The following AHRR variants were observed in gnomAD, a reference collection of about 807,000 sequenced individuals.
The protein encoded by AHRR is aryl hydrocarbon receptor repressor, also known as ahR repressor.
A neutral mutation model predicts 44.0 loss-of-function variants in AHRR; 28 were observed. The ratio of observed to expected loss-of-function variants is 0.64; its 90% confidence interval spans 0.47 to 0.87. The LOEUF (loss-of-function observed/expected upper bound fraction) is 0.87, where lower values mean the gene tolerates loss of function less well. AHRR is among the 40% of genes least tolerant of loss of function. The pLI, the probability that AHRR is intolerant of heterozygous loss-of-function variation, is 0.00. For missense variants in AHRR, 990 were observed against 953.9 expected, an observed-to-expected ratio of 1.04 and a Z score of -0.50; for synonymous variants, 434 against 407.0, an observed-to-expected ratio of 1.07 and a Z score of -0.80.
rs991923209 is a variant in AHRR, at chr5:434,551, G to A, written c.1811G>A (p.Arg604His). 5.0e-6 allele frequency: 8 copies of A among 1,601,532 alleles called. No individual in the cohort carries two copies. The African/African-American group carries it at 5.4e-5, about 11-fold the overall frequency. Reference sequence around the variant, plus strand: ...CCCCATGGGAGGGCCACTGCTGGGCGCAGCAGGGAGCTGACCCCTTTCCAC... The same window carrying A: ...CCCCATGGGAGGGCCACTGCTGGGCACAGCAGGGAGCTGACCCCTTTCCAC... ...AQPHGRATAG[R>H]SRELTPFHPA... The change falls in exon 11 of 11, where the codon CGC becomes CAC. Residue 604 changes from arginine to histidine, a missense_variant. Coordinates refer to ENST00000684583, the MANE Select transcript of AHRR (RefSeq NM_001377236.1).
At position 406,390 on chromosome 5, in the gene AHRR, G is replaced by T. The variant is rs190358338; in HGVS notation, c.352-6954G>T. 1.8e-4 allele frequency among the ~76,000 whole-genome samples: 28 copies of T among 152,332 alleles called. No homozygotes were observed. In the East Asian group the frequency reaches 5.2e-3, roughly 28 times the overall value. ...TACCTCATAGGCCAAATCACTCCAT[G>T]TGGGAGGCTGGGAGGCAAACATTTT... On this transcript the variant is annotated intron_variant, in intron 4 of 10. Transcript: ENST00000684583. The surrounding 1 kb of genome is among the most constrained non-coding windows in gnomAD (Gnocchi z 4.7).
intron 5 of AHRR, among the ~76,000 whole-genome samples, chr5:417,162 C>T (rs1335287043): frequency 4.3e-5 from 3 of 69,272 alleles, no homozygotes; most frequent in East Asian, 4.5e-4. Flanking sequence ...TGGAGAAGGC[C>T]GCTTGGTGTG....
At chr5:392,298 C>T (rs113725855) in intron 4 of AHRR, among the ~76,000 whole-genome samples, 102 of 61,628 alleles carry the variant, frequency 1.7e-3, no homozygotes, top group African/African-American at 5.9e-3. Context: ...GGGCGCAGGG[C>T]GAGGCAGGGC....
At chr5:353,550 C>T (rs777292891) in intron 2 of AHRR, among the ~76,000 whole-genome samples, 180 bp from the exon 3 acceptor site, 2 of 152,184 alleles carry the variant, frequency 1.3e-5, no homozygotes, top group Non-Finnish European at 2.9e-5. Context: ...GGCTGTTGTG[C>T]GCTGTGGTTT....
chr5:398,344 C>T (rs555694572), intron 4 of AHRR, among the ~76,000 whole-genome samples: 70 of 152,234 alleles, frequency 4.6e-4, no homozygotes, highest in African/African-American at 1.3e-3. Flanking sequence ...TAGCCCCAAC[C>T]GTACACCTTA....
intron 2 of AHRR, among the ~76,000 whole-genome samples, chr5:350,465 G>A (rs1387092805): frequency 1.3e-5 from 2 of 152,184 alleles, no homozygotes; most frequent in African/African-American, 4.8e-5. Context: ...TCTCCTGCAC[G>A]CCCTCAGGGC....
Position 343,941 on chromosome 5 carries a change from G to A in AHRR, c.39G>A (p.Lys13=). ...GGGAGTGCACGTACGCGGGCCGGAA[G>A]CGGAGGAGGCCCCTGCAGAAACAGT... The part of the protein sequence containing the change: ...PPGECTYAGR[K]RRRPLQKQRP... Residue 13 remains lysine (K), a synonymous_variant, in exon 2 of 11, where the codon AAG becomes AAA. Coordinates refer to ENST00000684583, the MANE Select transcript of AHRR (RefSeq NM_001377236.1). The A allele has an allele frequency of 6.2e-7, 1 of 1,600,666 alleles. No homozygotes were observed. Among genetic ancestry groups the A allele is most frequent in the Non-Finnish European group, 8.5e-7 (1 of 1,174,200 alleles).
Position 404,232 on chromosome 5 carries a change from CTA to C in AHRR, c.352-9111_352-9110del. The C allele has an allele frequency of 1.9e-6, 1 of 515,494 alleles. No homozygotes were observed. Among genetic ancestry groups the C allele is most frequent in the Non-Finnish European group, 3.8e-6 (1 of 261,040 alleles). The allele number at this position is 515,494 out of a possible 1,614,324, so 31.9% of individuals were successfully genotyped here. Reference sequence around the variant, plus strand: ...TCGCAGCTCTCGCTCATCCATGAGTCTAATCACATCTGCTCCATGCATGTTCC... The same window carrying C: ...TCGCAGCTCTCGCTCATCCATGAGTCATCACATCTGCTCCATGCATGTTCC... On this transcript the variant is annotated intron_variant, in intron 4 of 10. Transcript: ENST00000684583. The surrounding 1 kb of genome is among the most constrained non-coding windows in gnomAD (Gnocchi z 4.1).
intron 1 of AHRR, among the ~76,000 whole-genome samples, chr5:339,449 T>C (rs766686621): frequency 5.9e-5 from 9 of 152,244 alleles, no homozygotes; most frequent in Non-Finnish European, 1.2e-4. Flanking sequence ...TGTACAATCA[T>C]GTCTGCGAAC....
intron 1 of AHRR, chr5:322,492 C>CGG (rs1741531065): frequency 6.6e-6 from 1 of 152,046 alleles, no homozygotes; most frequent in South Asian, 2.1e-4. Context: ...CAAGGGCAGG[C>CGG]GGGGAGGGGC....
At chr5:426,857 A>G (rs1051353328) in intron 7 of AHRR, among the ~76,000 whole-genome samples, 10 of 130,926 alleles carry the variant, frequency 7.6e-5, no homozygotes, top group Non-Finnish European at 1.2e-4. Context: ...AGATGGATGG[A>G]TGGGTGGATG....
At chr5:422,493 A>G (rs1253491589) in intron 5 of AHRR, 5 of 549,130 alleles carry the variant, frequency 9.1e-6, no homozygotes, top group African/African-American at 1.9e-5. Flanking sequence ...GAAAGGCTGG[A>G]TGTGGGCACC....
intron 3 of AHRR, among the ~76,000 whole-genome samples, chr5:371,738 T>G (rs1390096113): frequency 6.6e-6 from 1 of 152,190 alleles, no homozygotes; most frequent in African/African-American, 2.4e-5. Context: ...TATGGTGAAA[T>G]GCTCCCAGGA....
chr5:422,463 C>T, intron 5 of AHRR: 1 of 489,386 alleles, frequency 2.0e-6, no homozygotes, highest in South Asian at 2.0e-5. Flanking sequence ...ATGCCCGTCT[C>T]TTAGCCTCCC....
Position 434,034 on chromosome 5 carries a change from G to A in AHRR, c.1294G>A (p.Gly432Ser), listed in dbSNP as rs374403521. Residue 432 changes from glycine to serine, a missense_variant, in exon 11 of 11, where the codon GGC (glycine) becomes AGC (serine). By Grantham distance (56) the Gly-to-Ser change is moderately conservative. Coordinates refer to ENST00000684583, the MANE Select transcript of AHRR (RefSeq NM_001377236.1). Reference sequence around the variant, plus strand: ...GCCCTCCCTGCGCCCCATGCCCCGCGGCTCCTGCCTGCCCTGCCCGTGTGT... The same window carrying A: ...GCCCTCCCTGCGCCCCATGCCCCGCAGCTCCTGCCTGCCCTGCCCGTGTGT... ...DPPSLRPMPR[G>S]SCLPCPCVQG... is the part of the protein sequence containing the mutation. 16 of 1,607,200 alleles carry A rather than the reference G, an allele frequency of 1.0e-5. No homozygotes were observed. In the African/African-American group the frequency reaches 1.2e-4, roughly 12 times the overall value.
rs558055642 is a variant in AHRR, at chr5:405,706, G to C, written c.352-7638G>C. Among the ~76,000 whole-genome samples the C allele has an allele frequency of 5.9e-5, 9 of 152,338 alleles. No individual in the cohort carries two copies. Among genetic ancestry groups the C allele is most frequent in the African/African-American group, 2.2e-4 (9 of 41,580 alleles). On this transcript the variant is annotated intron_variant, in intron 4 of 10. Coordinates refer to ENST00000684583, the MANE Select transcript of AHRR (RefSeq NM_001377236.1). This position sits in a 1 kb window ranked among gnomAD's most constrained non-coding sequence, Gnocchi z 4.5. ...CTTGTCCCACCGCCTGCGACCACCAGCTCCTCCGCTCTCTCCATCGGTCGT... is the reference window on the plus strand; with the variant it reads ...CTTGTCCCACCGCCTGCGACCACCACCTCCTCCGCTCTCTCCATCGGTCGT...
chr5:342,122 G>A lies in AHRR; in HGVS notation c.-10-1771G>A, dbSNP rs1466215791. On this transcript the variant is annotated intron_variant, in intron 1 of 10. Transcript: ENST00000684583. The surrounding 1 kb of genome is among the most constrained non-coding windows in gnomAD (Gnocchi z 4.3). ...AAGTCCCAGAATATGGTCTGTCTTG[G>A]CGAATGTTACATGTGTAAAAACCAG... 2.0e-5 allele frequency among the ~76,000 whole-genome samples: 3 copies of A among 152,118 alleles called. No homozygotes were observed. The highest frequency in any genetic ancestry group is 4.4e-5 in the Non-Finnish European group (3 of 68,026).
chr5:402,604 A>G (rs192990727), intron 4 of AHRR, among the ~76,000 whole-genome samples: 1 of 152,286 alleles, frequency 6.6e-6, no homozygotes, highest in Admixed American at 6.5e-5. Context: ...GGAAGGCTAC[A>G]TGGAGCTTCC....
At position 381,804 on chromosome 5, in the gene AHRR, G is replaced by A. The variant is rs113214401; in HGVS notation, c.351+5088G>A. ...GCTGGGATTACAGGCGTGAGCCACC[G>A]TACCCAGCCTGCTTTTTTTTGTTTG... is the stretch of plus-strand genomic sequence containing the variant. On this transcript the variant is annotated intron_variant, in intron 4 of 10. Coordinates refer to ENST00000684583, the MANE Select transcript of AHRR (RefSeq NM_001377236.1). Among the ~76,000 whole-genome samples the A allele has an allele frequency of 1.6e-4, 24 of 152,156 alleles. 1 individual carries two copies. The highest frequency in any genetic ancestry group is 4.6e-4 in the African/African-American group (19 of 41,534).
Sources: allele counts gnomAD v4.1 joint callset (sites outside exome capture counted in the v4.1 genomes callset), GRCh38; gene constraint gnomAD v4.1.1; non-coding constraint Gnocchi (gnomAD v3.1); transcripts MANE v1.5; gene names NCBI Gene and HGNC (gene_info 2026-07-23, HGNC 2026-07-21).